Variants in HNF4A observed in about 807,000 individuals in gnomAD.
HNF4A encodes hepatocyte nuclear factor 4-alpha.
Under a neutral mutation model 52.4 loss-of-function variants are expected in HNF4A, and 15 were observed. That is an observed-to-expected ratio of 0.29 (90% CI 0.19 to 0.44). The LOEUF (loss-of-function observed/expected upper bound fraction) is 0.44, where lower values mean the gene tolerates loss of function less well. Ranked by LOEUF, HNF4A falls within the 20% of genes least tolerant of loss-of-function variation. The probability of loss-of-function intolerance (pLI) is 1.00; values close to 1 mark genes in which losing one functional copy is unlikely to be tolerated. For synonymous variants in HNF4A, 280 were observed against 264.4 expected (o/e 1.06, Z -0.57); for missense variants, 479 against 647.2 (o/e 0.74, Z 2.82).
chr20:44,398,637 G>A (rs1221843078), upstream of HNF4A, among the ~76,000 whole-genome samples: 1 of 152,238 alleles, frequency 6.6e-6, no homozygotes, highest in Non-Finnish European at 1.5e-5. Context: ...GTGGTGGGAT[G>A]TGAATCTAGA....
chr20:44,400,610 C>T (rs1205553362), upstream of HNF4A, among the ~76,000 whole-genome samples: 1 of 152,096 alleles, frequency 6.6e-6, no homozygotes, highest in Non-Finnish European at 1.5e-5. Context: ...ATGGAGCCAG[C>T]CTGGGCCAGA....
At chr20:44,428,037 A>G (rs538962706) in intron 8 of HNF4A, among the ~76,000 whole-genome samples, 1 of 152,306 alleles carries the variant, frequency 6.6e-6, no homozygotes, top group East Asian at 1.9e-4. Context: ...TTATGTTACT[A>G]TGTGACCAAT....
At chr20:44,370,148 C>A (rs1396696287) in intron 1 of HNF4A, among the ~76,000 whole-genome samples, 3 of 152,178 alleles carry the variant, frequency 2.0e-5, no homozygotes, top group Non-Finnish European at 2.9e-5. Flanking sequence ...CGCCTCAGCC[C>A]CCCCAAGTAG....
intron 1 of HNF4A, among the ~76,000 whole-genome samples, chr20:44,364,767 C>T (rs937995866): frequency 3.9e-5 from 6 of 152,040 alleles, no homozygotes; most frequent in East Asian, 1.9e-4. Flanking sequence ...CGTGCCCAGC[C>T]GGTCCTTCAA....
rs1568747147 is a variant in HNF4A, at chr20:44,430,348, C to T, written c.*683C>T. ...CCTTTCTCCTCCAACCCAACCTCAT[C>T]CTCCTTCTTCAGGGACTTGGGTGGG... On this transcript the variant is annotated 3_prime_UTR_variant, in exon 10 of 10. Transcript: ENST00000316099. The T allele has an allele frequency of 6.6e-6, 1 of 152,470 alleles. No individual in the cohort carries two copies. Among genetic ancestry groups the T allele is most frequent in the African/African-American group, 2.4e-5 (1 of 41,454 alleles). 9.4% of individuals were successfully genotyped at this position (152,470 alleles called of 1,614,324 possible).
At chr20:44,397,025 T>G (rs2063359189), upstream of HNF4A, among the ~76,000 whole-genome samples, 1 of 152,194 alleles carries the variant, frequency 6.6e-6, no homozygotes, top group Non-Finnish European at 1.5e-5. Flanking sequence ...GGCTTCGAAA[T>G]AAAAACTTGC....
intron 3 of HNF4A, among the ~76,000 whole-genome samples, chr20:44,410,093 A>G (rs2063559789): frequency 6.6e-6 from 1 of 152,296 alleles, no homozygotes; most frequent in South Asian, 2.1e-4. Context: ...TCGGCCTCCC[A>G]AAGTGCTGGG....
At chr20:44,406,819 A>G (rs891720634) in intron 2 of HNF4A, among the ~76,000 whole-genome samples, 1 of 152,186 alleles carries the variant, frequency 6.6e-6, no homozygotes, top group Non-Finnish European at 1.5e-5. Context: ...CCCCTGTGAG[A>G]TGGTTACTGT....
intron 1 of HNF4A, among the ~76,000 whole-genome samples, chr20:44,358,752 G>T (rs1424252070): frequency 6.6e-6 from 1 of 152,230 alleles, no homozygotes; most frequent in Non-Finnish European, 1.5e-5. Flanking sequence ...GCACATAGCA[G>T]AGCCTCAGTT....
intron 1 of HNF4A, among the ~76,000 whole-genome samples, chr20:44,379,934 A>G (rs2063133889): frequency 6.6e-6 from 1 of 152,146 alleles, no homozygotes; most frequent in Non-Finnish European, 1.5e-5. Flanking sequence ...GGGTTTCACC[A>G]TGCTGGCCAG....
At chr20:44,398,071 G>A (rs1278041455), upstream of HNF4A, among the ~76,000 whole-genome samples, 1 of 152,172 alleles carries the variant, frequency 6.6e-6, no homozygotes, top group Non-Finnish European at 1.5e-5. Context: ...TATGTGTTAA[G>A]GGTTTGTTTG....
intron 1 of HNF4A, among the ~76,000 whole-genome samples, chr20:44,380,202 C>T (rs1271539676): frequency 1.3e-5 from 2 of 152,212 alleles, no homozygotes; most frequent in East Asian, 3.9e-4. Context: ...TTGATTTGCA[C>T]TTCCCTAATG....
intron 1 of HNF4A, among the ~76,000 whole-genome samples, chr20:44,404,658 T>G (rs541486595): frequency 6.7e-6 from 1 of 150,230 alleles, no homozygotes; most frequent in East Asian, 2.0e-4. Flanking sequence ...GTATGTGGAC[T>G]GTGTGCATGT....
chr20:44,388,622 T>C (rs1034743337), intron 1 of HNF4A, among the ~76,000 whole-genome samples: 35 of 152,142 alleles, frequency 2.3e-4, no homozygotes, highest in African/African-American at 8.4e-4. Flanking sequence ...GGCCTGTGAT[T>C]GGCGGGATTG....
At chr20:44,407,528 C>A in intron 3 of HNF4A, 53 bp downstream of exon 3, 1 of 1,208,018 alleles carries the variant, frequency 8.3e-7, no homozygotes, top group Non-Finnish European at 1.2e-6. Flanking sequence ...GCACCCACAG[C>A]TCCCCGACAG....
Position 44,407,397 on chromosome 20 carries a change from G to T in HNF4A, c.307G>T (p.Val103Leu), listed in dbSNP as rs772786482. The T allele has an allele frequency of 1.2e-6, 2 of 1,610,836 alleles. No individual in the cohort carries two copies. The highest frequency in any genetic ancestry group is 1.7e-6 in the Non-Finnish European group (2 of 1,178,432). Residue 103 changes from valine to leucine, a missense_variant, in exon 3 of 10, where the codon GTG becomes TTG. By Grantham distance (32) the Val-to-Leu change is conservative. Around this residue, in one of 3 missense-constraint regions of HNF4A, gnomAD observed 389 missense variants for 525.1 expected, o/e 0.74. Transcript: ENST00000316099. The stretch of plus-strand genomic sequence containing the variant: ...CCTCCCCAGATTTAGCCGGCAGTGC[G>T]TGGTGGACAAAGACAAGAGGAACCA...
intron 8 of HNF4A, chr20:44,424,539 G>A (rs2063792597): frequency 9.3e-7 from 1 of 1,073,526 alleles, no homozygotes; most frequent in East Asian, 2.6e-5. Flanking sequence ...GTGTGTGTGA[G>A]TATGTATGGA....
intron 1 of HNF4A, 91 bp downstream of exon 1, chr20:44,355,944 C>A: frequency 8.9e-7 from 1 of 1,122,502 alleles, no homozygotes; most frequent in Non-Finnish European, 1.3e-6. Context: ...TCTTACGGGC[C>A]CAAAGCTCCT....
intron 2 of HNF4A, among the ~76,000 whole-genome samples, chr20:44,406,648 A>T (rs1335082565): frequency 6.6e-6 from 1 of 152,208 alleles, no homozygotes; most frequent in African/African-American, 2.4e-5. Context: ...GGCTTCCACC[A>T]ACCCCAAAGT....
Sources: gnomAD v4.1 joint callset for allele counts (sites outside exome capture counted in the v4.1 genomes callset) on GRCh38, gnomAD v4.1.1 for gene constraint, gnomAD v4.1.1 regional missense constraint, MANE v1.5 for transcripts, NCBI Gene and HGNC (gene_info 2026-07-23, HGNC 2026-07-21) for gene names.